The following GREB1 variants were observed in gnomAD, a reference collection of about 807,000 sequenced individuals.
GREB1 encodes the protein growth regulating estrogen receptor binding 1.
Under a neutral mutation model 200.7 loss-of-function variants are expected in GREB1, and 106 were observed. That is an observed-to-expected ratio of 0.53 (90% CI 0.45 to 0.62). The LOEUF is 0.62. Among genes scored for constraint, GREB1 ranks in the 20% least tolerant of loss-of-function variants. GREB1 has a pLI of 0.00. For missense variants in GREB1, 2,243 were observed against 2,556.8 expected (o/e 0.88, Z 2.65); for synonymous variants, 1,132 against 1,092.4 (o/e 1.04, Z -0.72).
At position 11,612,928 on chromosome 2, in the gene GREB1, G is replaced by A. The variant is rs557909393; in HGVS notation, c.3122+318G>A. Among the ~76,000 whole-genome samples, 113 of 152,330 alleles carry A rather than the reference G, an allele frequency of 7.4e-4. 1 individual carries two copies. Among genetic ancestry groups the A allele is most frequent in the South Asian group, 3.1e-3 (15 of 4,830 alleles). ...TGAGTTCAGTGTCTCCCCATGGGGCGCTCTGTGTGTGCTGGGGATGGCAGT... is the reference window on the plus strand; with the variant it reads ...TGAGTTCAGTGTCTCCCCATGGGGCACTCTGTGTGTGCTGGGGATGGCAGT... On this transcript the variant is annotated intron_variant, in intron 19 of 32. Transcript: ENST00000381486.
intron 1 of GREB1, among the ~76,000 whole-genome samples, chr2:11,503,473 G>GT (rs1673100982): frequency 6.6e-6 from 1 of 152,092 alleles, no homozygotes; most frequent in Admixed American, 6.6e-5. Flanking sequence ...TATGACAAAT[G>GT]TTGCTCTGAT....
intron 1 of GREB1, among the ~76,000 whole-genome samples, chr2:11,518,858 G>C (rs1345455632): frequency 2.0e-5 from 3 of 152,094 alleles, no homozygotes; most frequent in African/African-American, 7.2e-5. Context: ...CAGCACTTTG[G>C]GAGGCCGAGG....
intron 2 of GREB1, among the ~76,000 whole-genome samples, chr2:11,558,168 A>C (rs1427260083): frequency 2.6e-5 from 4 of 152,214 alleles, no homozygotes; most frequent in Non-Finnish European, 2.9e-5. Context: ...ACTGAGCAGC[A>C]GTTGCATACT....
chr2:11,513,540 C>T (rs2148454705), intron 1 of GREB1, among the ~76,000 whole-genome samples: 1 of 152,338 alleles, frequency 6.6e-6, no homozygotes, highest in East Asian at 1.9e-4. Context: ...CTTCCCTGAT[C>T]TCCTTAGCTG....
intron 17 of GREB1, among the ~76,000 whole-genome samples, chr2:11,605,952 T>C (rs1682243653): frequency 6.6e-6 from 1 of 152,246 alleles, no homozygotes; most frequent in Admixed American, 6.5e-5. Flanking sequence ...CTTTCCCTTT[T>C]CATGGGTAAA....
intron 1 of GREB1, among the ~76,000 whole-genome samples, chr2:11,509,821 T>C (rs898989447): frequency 6.6e-6 from 1 of 152,228 alleles, no homozygotes; most frequent in Non-Finnish European, 1.5e-5. Flanking sequence ...GCTGGTGCCA[T>C]ACCCTTGAAC....
At position 11,599,447 on chromosome 2, in the gene GREB1, C is replaced by T. The variant is rs1359831234; in HGVS notation, c.2333+587C>T. ...CTCAGCCTCCTGGGTTCATGCCATT[C>T]TCCCACTTCACCCTCCTGAATAGCT... On this transcript the variant is annotated intron_variant, in intron 15 of 32. Coordinates refer to ENST00000381486, the MANE Select transcript of GREB1 (RefSeq NM_014668.4). Among the ~76,000 whole-genome samples, 4 of 150,778 alleles carry T rather than the reference C, an allele frequency of 2.7e-5. No homozygotes were observed. In the East Asian group the frequency reaches 7.8e-4, roughly 29 times the overall value.
chr2:11,595,277 G>A lies in GREB1; in HGVS notation c.1723G>A (p.Glu575Lys). The A allele has an allele frequency of 3.1e-6, 5 of 1,613,676 alleles. No homozygotes were observed. The highest frequency in any genetic ancestry group is 2.2e-5 in the East Asian group (1 of 44,868). Reference protein sequence around the residue: ...TGKYQARILSESLLTPAEYQK... With the variant: ...TGKYQARILSKSLLTPAEYQK... ...AAAATACCAAGCCCGGATTCTTTCC[G>A]AGAGCCTTCTCACTCCTGCGGAGTA... The change falls in exon 12 of 33, where the codon GAG becomes AAG. Residue 575 changes from glutamate (E) to lysine (K), a missense_variant. Coordinates refer to ENST00000381486, the MANE Select transcript of GREB1 (RefSeq NM_014668.4).
At chr2:11,574,415 C>T (rs1368600546) in intron 4 of GREB1, among the ~76,000 whole-genome samples, 12 of 152,232 alleles carry the variant, frequency 7.9e-5, no homozygotes, top group Admixed American at 2.0e-4. Flanking sequence ...GAATAGGCGT[C>T]GGAGCAGGAT....
intron 19 of GREB1, 140 bp from the exon 20 acceptor site, chr2:11,614,951 T>G: frequency 1.5e-6 from 1 of 662,808 alleles, no homozygotes; most frequent in Non-Finnish European, 2.7e-6. Context: ...GTAACACTGT[T>G]GGCTTTTCCA....
intron 1 of GREB1, chr2:11,539,747 G>A (rs895456882): frequency 1.3e-5 from 2 of 152,140 alleles, no homozygotes; most frequent in South Asian, 2.1e-4. Context: ...CATCTGACCC[G>A]GCAGGCGCTG....
chr2:11,563,733 T>C (rs1677325213), intron 3 of GREB1, among the ~76,000 whole-genome samples: 1 of 152,250 alleles, frequency 6.6e-6, no homozygotes, highest in East Asian at 1.9e-4. Flanking sequence ...GAATGCCTAC[T>C]ATGTTCAGGC....
intron 4 of GREB1, among the ~76,000 whole-genome samples, chr2:11,573,122 T>A (rs1465485150): frequency 6.6e-6 from 1 of 152,140 alleles, no homozygotes; most frequent in African/African-American, 2.4e-5. Context: ...CCCAGGCCCC[T>A]CAGACATCCA....
chr2:11,570,246 T>C (rs1678127127), intron 4 of GREB1, among the ~76,000 whole-genome samples: 1 of 151,836 alleles, frequency 6.6e-6, no homozygotes, highest in South Asian at 2.1e-4. Context: ...CTGTCTCTAC[T>C]AAAAATACAA....
At chr2:11,484,843 T>G (rs962991079) in intron 1 of GREB1, among the ~76,000 whole-genome samples, 4 of 152,208 alleles carry the variant, frequency 2.6e-5, no homozygotes, top group African/African-American at 7.2e-5. Flanking sequence ...AAATAGTTTT[T>G]TTTGTTTGTT....
chr2:11,561,337 T>A (rs375257669), intron 2 of GREB1: 1 of 151,982 alleles, frequency 6.6e-6, no homozygotes, highest in African/African-American at 2.4e-5. Flanking sequence ...TAGTAGTGTT[T>A]ACATGCATTC....
At chr2:11,598,901 C>G in intron 15 of GREB1, 41 bp downstream of exon 15, 1 of 1,532,314 alleles carries the variant, frequency 6.5e-7, no homozygotes, top group Non-Finnish European at 9.0e-7. Context: ...CATTTTCCTT[C>G]TTTGAAGTGA....
In GREB1 at chr2:11,578,351, C is replaced by T. The variant is rs781511718; in HGVS notation, c.692C>T (p.Ala231Val). The change falls in exon 6 of 33, where the codon GCC (alanine) becomes GTC (valine). Residue 231 changes from alanine (A) to valine (V), a missense_variant. Physicochemically the swap from Ala to Val is moderately conservative, Grantham distance 64. Transcript: ENST00000381486. ...ACTTGTTCCAGTTCCCTCTTCCCAG[C>T]CCTGGAGAGCACGGCTGCCTTCCCC... ...ASTCSSSLFP[A>V]LESTAAFPSE... is the part of the protein sequence containing the mutation. The T allele has an allele frequency of 9.9e-6, 16 of 1,614,126 alleles. No homozygotes were observed. The highest frequency in any genetic ancestry group is 1.4e-5 in the Non-Finnish European group (16 of 1,179,990).
chr2:11,615,219 A>G lies in GREB1; in HGVS notation c.3251A>G (p.Asn1084Ser), dbSNP rs770553485. 1.1e-5 allele frequency: 18 copies of G among 1,613,588 alleles called. No individual in the cohort carries two copies. In the South Asian group the frequency reaches 1.4e-4, roughly 13 times the overall value. Residue 1084 changes from asparagine (N) to serine (S), a missense_variant, in exon 20 of 33, where the codon AAC becomes AGC. Transcript: ENST00000381486. ...GTTCCCTTGGAGAAGGGGGCTAGGA[A>G]CGAGGCCTTGGAGAGTGATGCTGAG... ...NEVPLEKGAR[N>S]EALESDAEKL...
Sources: gnomAD v4.1 joint callset for allele counts (sites outside exome capture counted in the v4.1 genomes callset) on GRCh38, gnomAD v4.1.1 for gene constraint, MANE v1.5 for transcripts, NCBI Gene and HGNC (gene_info 2026-07-23, HGNC 2026-07-21) for gene names.